Variants in PHLPP1 observed in about 807,000 individuals in gnomAD.
The protein encoded by PHLPP1 is PH domain leucine-rich repeat-containing protein phosphatase 1.
Under a neutral mutation model 117.2 loss-of-function variants are expected in PHLPP1, and 42 were observed. The observed-to-expected ratio is 0.36, with a 90% CI of 0.28 to 0.46. PHLPP1 has a LOEUF of 0.46. Ranked by LOEUF, PHLPP1 falls within the 20% of genes least tolerant of loss-of-function variation. The pLI, the probability that PHLPP1 is intolerant of heterozygous loss-of-function variation, is 1.00. For synonymous variants in PHLPP1, 1,042 were observed against 970.7 expected, an observed-to-expected ratio of 1.07 and a Z score of -1.37; for missense variants, 2,084 against 2,241.9, an observed-to-expected ratio of 0.93 and a Z score of 1.42.
intron 1 of PHLPP1, among the ~76,000 whole-genome samples, chr18:62,819,159 A>T (rs1439619645): frequency 6.6e-6 from 1 of 152,236 alleles, no homozygotes; most frequent in Non-Finnish European, 1.5e-5. Flanking sequence ...ACAAATGGCA[A>T]CAGTAGCACA....
At chr18:62,857,861 C>A (rs181800179) in intron 3 of PHLPP1, among the ~76,000 whole-genome samples, 2 of 152,310 alleles carry the variant, frequency 1.3e-5, no homozygotes, top group African/African-American at 4.8e-5. Flanking sequence ...CTGCCACACA[C>A]CATTAAGTAG....
chr18:62,786,380 GTTA>G (rs983904941), intron 1 of PHLPP1, among the ~76,000 whole-genome samples: 2 of 152,058 alleles, frequency 1.3e-5, no homozygotes, highest in African/African-American at 4.8e-5. Context: ...TTTTGTTGTT[GTTA>G]TTGTTGTTTT....
intron 10 of PHLPP1, among the ~76,000 whole-genome samples, chr18:62,938,387 G>GCT: frequency 6.6e-6 from 1 of 152,284 alleles, no homozygotes; most frequent in South Asian, 2.1e-4. Context: ...CAAAACTAAA[G>GCT]TATTTGTTCG....
At chr18:62,847,291 G>A (rs1350404130) in intron 3 of PHLPP1, among the ~76,000 whole-genome samples, 1 of 152,138 alleles carries the variant, frequency 6.6e-6, no homozygotes, top group Non-Finnish European at 1.5e-5. Flanking sequence ...GGGAGAGGGA[G>A]GGAGGAAAGA....
At chr18:62,933,978 G>A (rs1438796135) in intron 10 of PHLPP1, among the ~76,000 whole-genome samples, 1 of 152,110 alleles carries the variant, frequency 6.6e-6, no homozygotes, top group African/African-American at 2.4e-5. Context: ...ATGAAAAAAT[G>A]CTCAACATCA....
chr18:62,920,854 C>A (rs1267582315), intron 10 of PHLPP1, among the ~76,000 whole-genome samples: 1 of 152,170 alleles, frequency 6.6e-6, no homozygotes, highest in East Asian at 1.9e-4. Flanking sequence ...AGCCACCACG[C>A]CTAGGACTTA....
At chr18:62,752,253 G>T (rs762268996) in intron 1 of PHLPP1, among the ~76,000 whole-genome samples, 2 of 152,028 alleles carry the variant, frequency 1.3e-5, no homozygotes, top group African/African-American at 4.8e-5. Context: ...GGCCCCCCGC[G>T]CCCCCACCCA....
intron 2 of PHLPP1, among the ~76,000 whole-genome samples, chr18:62,836,374 G>A (rs1305754658): frequency 1.3e-5 from 2 of 151,614 alleles, no homozygotes; most frequent in East Asian, 2.0e-4. Context: ...AGAGGTTGCA[G>A]TGAGCTGAGA....
intron 4 of PHLPP1, among the ~76,000 whole-genome samples, chr18:62,887,884 C>T (rs1357733425): frequency 6.6e-6 from 1 of 152,080 alleles, no homozygotes; most frequent in South Asian, 2.1e-4. Flanking sequence ...ACCACAGGCA[C>T]ATACCACCCT....
chr18:62,945,279 G>A lies in PHLPP1; in HGVS notation c.3324+8G>A. 2 of 1,585,870 alleles carry A rather than the reference G, an allele frequency of 1.3e-6. No homozygotes were observed. The highest frequency in any genetic ancestry group is 1.7e-6 in the Non-Finnish European group (2 of 1,168,942). ...CAGCTCCCAGAGATCAAGGTATGTG[G>A]TTTCATTTCATAAACTCTAAGCTTC... is the stretch of plus-strand genomic sequence containing the variant. On this transcript the variant is annotated splice_region_variant and intron_variant, in intron 12 of 16. Transcript: ENST00000262719.
intron 1 of PHLPP1, among the ~76,000 whole-genome samples, chr18:62,798,691 A>G (rs189725940): frequency 1.8e-3 from 277 of 151,894 alleles, no homozygotes; most frequent in African/African-American, 6.5e-3. Context: ...TTTATTGCTC[A>G]TTTGCTTCCT....
At chr18:62,743,939 T>G (rs1229468982) in intron 1 of PHLPP1, among the ~76,000 whole-genome samples, 2 of 152,198 alleles carry the variant, frequency 1.3e-5, no homozygotes, top group African/African-American at 4.8e-5. Context: ...TTTTGAGTTT[T>G]GCTTAATGTT....
At chr18:62,835,666 AC>A (rs2144336670) in intron 2 of PHLPP1, among the ~76,000 whole-genome samples, 1 of 152,214 alleles carries the variant, frequency 6.6e-6, no homozygotes, top group South Asian at 2.1e-4. Flanking sequence ...TTTTTCTGCA[AC>A]TGTGGGGTTA....
At chr18:62,931,208 C>A (rs1023252625) in intron 10 of PHLPP1, among the ~76,000 whole-genome samples, 5 of 135,742 alleles carry the variant, frequency 3.7e-5, no homozygotes, top group Admixed American at 7.1e-5. Context: ...AAAAAAAAAA[C>A]AACAACAACA....
At chr18:62,902,288 C>T (rs910978304) in intron 6 of PHLPP1, among the ~76,000 whole-genome samples, 16 of 152,084 alleles carry the variant, frequency 1.1e-4, no homozygotes, top group South Asian at 4.1e-4. Flanking sequence ...TTCTAGATGC[C>T]GGATTTCAGT....
intron 2 of PHLPP1, among the ~76,000 whole-genome samples, chr18:62,833,701 T>C (rs540350722): frequency 6.6e-6 from 1 of 152,372 alleles, no homozygotes; most frequent in East Asian, 1.9e-4. Context: ...CATAATAAGA[T>C]TACATGTTAC....
At chr18:62,935,779 G>A (rs534351867) in intron 10 of PHLPP1, among the ~76,000 whole-genome samples, 232 of 152,178 alleles carry the variant, frequency 1.5e-3, no homozygotes, top group Non-Finnish European at 2.5e-3. Flanking sequence ...CGAGGTGGGC[G>A]GATCACCTGA....
chr18:62,717,820 G>A (rs1910806000), intron 1 of PHLPP1, among the ~76,000 whole-genome samples: 1 of 142,784 alleles, frequency 7.0e-6, no homozygotes, highest in Non-Finnish European at 1.6e-5. Context: ...CTGACAAAAG[G>A]GTGCCTTTTT....
chr18:62,938,820 G>A (rs1291161747), intron 10 of PHLPP1, among the ~76,000 whole-genome samples: 1 of 152,040 alleles, frequency 6.6e-6, no homozygotes, highest in Admixed American at 6.6e-5. Context: ...TAAGTTGCTT[G>A]GCAGCTTTCT....
Sources: allele counts gnomAD v4.1 joint callset (sites outside exome capture counted in the v4.1 genomes callset), GRCh38; gene constraint gnomAD v4.1.1; transcripts MANE v1.5; gene names NCBI Gene and HGNC (gene_info 2026-07-23, HGNC 2026-07-21).